CCDC141: variants seen among roughly 807,000 people sequenced by gnomAD.
CCDC141 encodes coiled-coil domain containing 141, also known as coiled-coil domain-containing protein 141.
CCDC141 carries 168 observed loss-of-function variants against 181.0 expected under a neutral mutation model. The ratio of observed to expected loss-of-function variants is 0.93; its 90% confidence interval spans 0.82 to 1.05. CCDC141 has a LOEUF of 1.05. CCDC141 is among the 50% of genes least tolerant of loss of function. CCDC141 has a pLI of 0.00. For missense variants in CCDC141, 1,902 were observed against 1,788.5 expected (o/e 1.06, Z -1.14); for synonymous variants, 666 against 642.3 (o/e 1.04, Z -0.56).
intron 2 of CCDC141, among the ~76,000 whole-genome samples, chr2:179,010,149 T>G (rs2042227001): frequency 6.6e-6 from 1 of 151,886 alleles, no homozygotes. Context: ...AAGTCTGGGA[T>G]TATGTTAAAT....
chr2:178,980,405 G>A (rs545010010), intron 2 of CCDC141, among the ~76,000 whole-genome samples: 23 of 152,106 alleles, frequency 1.5e-4, no homozygotes, highest in Middle Eastern at 3.4e-3. Context: ...AGCTGAGATC[G>A]TGCCACTGCA....
chr2:178,925,979 AAGGG>A (rs1047030914), intron 6 of CCDC141, among the ~76,000 whole-genome samples: 13 of 152,254 alleles, frequency 8.5e-5, no homozygotes, highest in Non-Finnish European at 1.6e-4. Context: ...AACTTAATAG[AAGGG>A]AGGGTCTGTT....
downstream of CCDC141, among the ~76,000 whole-genome samples, chr2:178,827,383 G>A (rs1329034478): frequency 3.3e-5 from 5 of 152,052 alleles, no homozygotes; most frequent in Admixed American, 6.6e-5. Context: ...GTGCTGTTTA[G>A]GTCATGTATT....
At chr2:179,019,560 CT>C (rs948304362) in intron 2 of CCDC141, among the ~76,000 whole-genome samples, 1 of 152,022 alleles carries the variant, frequency 6.6e-6, no homozygotes, top group African/African-American at 2.4e-5. Flanking sequence ...TCATAAACCG[CT>C]TTTATTTTCT....
intron 5 of CCDC141, among the ~76,000 whole-genome samples, chr2:178,955,012 CG>C (rs1277023763): frequency 6.6e-6 from 1 of 152,114 alleles, no homozygotes; most frequent in Non-Finnish European, 1.5e-5. Flanking sequence ...AGGCCAGGCA[CG>C]GTGGCTCATG....
chr2:178,932,041 C>T (rs1689120671), intron 6 of CCDC141, among the ~76,000 whole-genome samples: 1 of 152,120 alleles, frequency 6.6e-6, no homozygotes, highest in Non-Finnish European at 1.5e-5. Context: ...TGCTTGTAAT[C>T]CCAGCTACTC....
intron 7 of CCDC141, among the ~76,000 whole-genome samples, chr2:178,915,260 C>T (rs796570049): frequency 6.6e-6 from 1 of 151,734 alleles, no homozygotes; most frequent in Admixed American, 6.6e-5. Flanking sequence ...TATGATAAAA[C>T]CTGGATGAAA....
At chr2:178,849,700 C>G (rs902193184) in intron 21 of CCDC141, among the ~76,000 whole-genome samples, 1 of 151,966 alleles carries the variant, frequency 6.6e-6, no homozygotes, top group East Asian at 1.9e-4. Flanking sequence ...AAAAAAAAAC[C>G]CTGGCATCTA....
chr2:178,892,325 C>T (rs73041940), intron 8 of CCDC141, among the ~76,000 whole-genome samples: 47,530 of 152,076 alleles, frequency 0.31, 8,430 homozygotes, highest in Middle Eastern at 0.41. Context: ...TCACATGTGG[C>T]TTAGATCCTT....
At chr2:178,925,688 A>G (rs1242532552) in intron 6 of CCDC141, among the ~76,000 whole-genome samples, 1 of 152,202 alleles carries the variant, frequency 6.6e-6, no homozygotes, top group Non-Finnish European at 1.5e-5. Context: ...CTAGTTAAGT[A>G]ACAGAGCCTG....
chr2:178,916,645 C>G (rs1688460829), intron 7 of CCDC141, among the ~76,000 whole-genome samples: 1 of 152,082 alleles, frequency 6.6e-6, no homozygotes. Flanking sequence ...CATCATCTTT[C>G]ACACTGAGTT....
chr2:178,886,781 T>C lies in CCDC141; in HGVS notation c.1498A>G (p.Lys500Glu), dbSNP rs781615295. The C allele has an allele frequency of 6.8e-7, 1 of 1,464,012 alleles. No individual in the cohort carries two copies. The highest frequency in any genetic ancestry group is 9.1e-7 in the Non-Finnish European group (1 of 1,094,074). 90.7% of individuals were successfully genotyped at this position (1,464,012 alleles called of 1,614,324 possible). A position where few individuals can be genotyped will look rare whatever the true frequency, so the allele number is the denominator to read the frequency against. ...GCTTGGATATCTAGTTCCAGATATT[T>C]ATTCAAAATCTTCTCTGATTCAGAA... ...TRSESEKILN[K>E]YLELDIQAKE... The change falls in exon 10 of 24, where the codon AAA becomes GAA. Residue 500 changes from lysine (K) to glutamate (E), a missense_variant. Physicochemically the swap from Lys to Glu is moderately conservative, Grantham distance 56. Transcript: ENST00000443758.
At chr2:179,035,778 G>A (rs1228536969) in intron 2 of CCDC141, among the ~76,000 whole-genome samples, 2 of 152,134 alleles carry the variant, frequency 1.3e-5, no homozygotes, top group Non-Finnish European at 2.9e-5. Flanking sequence ...AGTCTCTTGA[G>A]GCTGGGGCCC....
chr2:178,981,596 G>A (rs956178335), intron 2 of CCDC141, among the ~76,000 whole-genome samples: 1 of 140,250 alleles, frequency 7.1e-6, no homozygotes, highest in South Asian at 2.3e-4. Context: ...CACAACAGCA[G>A]TGCTTAAAGA....
chr2:179,025,178 C>T (rs1167526593), intron 2 of CCDC141, among the ~76,000 whole-genome samples: 9 of 151,742 alleles, frequency 5.9e-5, no homozygotes, highest in Non-Finnish European at 8.8e-5. Context: ...AACTGTGTGT[C>T]ACAGGGGTTC....
chr2:178,842,819 G>A (rs79107654), intron 22 of CCDC141, among the ~76,000 whole-genome samples: 11,271 of 152,310 alleles, frequency 0.074, 605 homozygotes, highest in Admixed American at 0.16. Flanking sequence ...AAGGGGTAAT[G>A]TGGTATTTTG....
At chr2:178,817,635 T>C in the CCDC141 span, 3 of 465,630 alleles carry the variant, frequency 6.4e-6, no homozygotes, top group African/African-American at 6.0e-5. Flanking sequence ...TTCCTGGAGG[T>C]TGACAGGTCT....
At chr2:178,966,593 A>G (rs1290820224) in intron 4 of CCDC141, among the ~76,000 whole-genome samples, 4 of 152,114 alleles carry the variant, frequency 2.6e-5, no homozygotes, top group Non-Finnish European at 1.5e-5. Context: ...ACCTCATTTG[A>G]AGGTCACCAA....
chr2:178,817,235 C>A, the CCDC141 span, among the ~76,000 whole-genome samples: 2 of 152,078 alleles, frequency 1.3e-5, no homozygotes, highest in Non-Finnish European at 2.9e-5. Context: ...TATTTTTGGG[C>A]AAAAACTTTT....
Sources: gnomAD v4.1 joint callset for allele counts (sites outside exome capture counted in the v4.1 genomes callset) on GRCh38, gnomAD v4.1.1 for gene constraint, MANE v1.5 for transcripts, NCBI Gene and HGNC (gene_info 2026-07-23, HGNC 2026-07-21) for gene names.